LETM1: variants seen among roughly 807,000 people sequenced by gnomAD.
LETM1 encodes the protein leucine zipper and EF-hand containing transmembrane protein 1, also known as mitochondrial proton/calcium exchanger protein.
LETM1 carries 50 observed loss-of-function variants against 74.5 expected under a neutral mutation model. The observed-to-expected ratio is 0.67, with a 90% CI of 0.53 to 0.85. The LOEUF (loss-of-function observed/expected upper bound fraction) is 0.85. LETM1 is among the 40% of genes least tolerant of loss of function. The probability of loss-of-function intolerance (pLI) is 0.00; values close to 1 mark genes in which losing one functional copy is unlikely to be tolerated. For synonymous variants in LETM1, 446 were observed against 407.1 expected (o/e 1.10, Z -1.15); for missense variants, 824 against 967.8 (o/e 0.85, Z 1.97).
In LETM1 at chr4:1,841,471, A is replaced by C. The variant is rs901294749; in HGVS notation, c.470T>G (p.Val157Gly). The C allele has an allele frequency of 5.6e-6, 9 of 1,614,082 alleles. No homozygotes were observed. The highest frequency in any genetic ancestry group is 6.8e-6 in the Non-Finnish European group (8 of 1,180,048). Residue 157 changes from valine (V) to glycine (G), a missense_variant, in exon 3 of 14, where the codon GTG becomes GGG. Around this residue, in one of 4 missense-constraint regions of LETM1, gnomAD observed 269 missense variants for 348.8 expected, o/e 0.77. Coordinates refer to ENST00000302787, the MANE Select transcript of LETM1 (RefSeq NM_012318.3). Reference protein sequence around the residue: ...VVVKKSLGQRVLDELKHYYHG... With the variant: ...VVVKKSLGQRGLDELKHYYHG... ...GTAGTAGTGCTTCAGCTCGTCCAGC[A>C]CCCGCTGCCCCAGGGACTTCTTCAC...
intron 6 of LETM1, 103 bp downstream of exon 6, chr4:1,832,640 TC>T (rs1311078036): frequency 2.4e-4 from 275 of 1,154,524 alleles, no homozygotes; most frequent in Non-Finnish European, 2.6e-4. Context: ...TTTCGATCGT[TC>T]AGCATCTTCC....
chr4:1,828,962 G>A (rs1324096530), intron 6 of LETM1, among the ~76,000 whole-genome samples: 1 of 105,290 alleles, frequency 9.5e-6, no homozygotes, highest in Non-Finnish European at 1.9e-5. Flanking sequence ...CTCACCTCCC[G>A]GACGGGGCGG....
At position 1,829,384 on chromosome 4, in the gene LETM1, C is replaced by T. The variant is rs945889472; in HGVS notation, c.1080+3360G>A. Among the ~76,000 whole-genome samples, 283 of 152,078 alleles carry T rather than the reference C, an allele frequency of 1.9e-3. 2 individuals are homozygous for T. Among genetic ancestry groups the T allele is most frequent in the Middle Eastern group, 3.4e-3 (1 of 292 alleles). On this transcript the variant is annotated intron_variant, in intron 6 of 13. Coordinates refer to ENST00000302787, the MANE Select transcript of LETM1 (RefSeq NM_012318.3). ...CCTCCCTCCCGGATGGGGCGGCTGG[C>T]CGGGCGGGGGGCTGACCCCCCAACC...
chr4:1,833,298 G>T (rs138948579), intron 5 of LETM1: 4 of 295,304 alleles, frequency 1.4e-5, no homozygotes, highest in African/African-American at 6.5e-5. Flanking sequence ...TCAAATACCC[G>T]ACCTCAAGTC....
intron 3 of LETM1, 144 bp downstream of exon 3, chr4:1,841,203 G>A (rs1712675288): frequency 5.7e-6 from 4 of 701,228 alleles, no homozygotes; most frequent in African/African-American, 1.8e-5. Context: ...CAATTAGCCA[G>A]GTGTGGTGGC....
rs558928070 is a variant in LETM1, at chr4:1,836,205, G to A, written c.738+224C>T. 7.2e-5 allele frequency among the ~76,000 whole-genome samples: 11 copies of A among 152,226 alleles called. No homozygotes were observed. The East Asian group carries it at 1.4e-3, about 19-fold the overall frequency. On this transcript the variant is annotated intron_variant, in intron 4 of 13. Coordinates refer to ENST00000302787, the MANE Select transcript of LETM1 (RefSeq NM_012318.3). This position sits in a 1 kb window ranked among gnomAD's most constrained non-coding sequence, Gnocchi z 5.8. ...TGCACTCCAGCCTGGGTGACAGAGC[G>A]AGACCCTGTTTCAAAAATAAATAAA...
At chr4:1,827,703 C>G (rs551304030) in intron 6 of LETM1, among the ~76,000 whole-genome samples, 2 of 144,874 alleles carry the variant, frequency 1.4e-5, no homozygotes, top group East Asian at 2.1e-4. Flanking sequence ...TACACAGACA[C>G]GGCAACCATC....
At chr4:1,851,242 G>C (rs935400564) in intron 1 of LETM1, among the ~76,000 whole-genome samples, 1 of 152,212 alleles carries the variant, frequency 6.6e-6, no homozygotes, top group African/African-American at 2.4e-5. Context: ...CCGGGAGCCA[G>C]CAGGTAGCAC....
rs1466053640 is a variant in LETM1, at chr4:1,836,016, A to C, written c.738+413T>G. 1.3e-5 allele frequency among the ~76,000 whole-genome samples: 2 copies of C among 152,162 alleles called. No homozygotes were observed. The highest frequency in any genetic ancestry group is 2.9e-5 in the Non-Finnish European group (2 of 68,034). On this transcript the variant is annotated intron_variant, in intron 4 of 13. Transcript: ENST00000302787. This position sits in a 1 kb window ranked among gnomAD's most constrained non-coding sequence, Gnocchi z 5.8. ...CTTAAGTCCAGGAACTTGAGGCTGC[A>C]GTGAGCCGTGATCGCACCACTGCAC...
chr4:1,845,151 C>T (rs981447352), intron 2 of LETM1, among the ~76,000 whole-genome samples: 6 of 152,012 alleles, frequency 3.9e-5, no homozygotes, highest in Admixed American at 1.3e-4. Context: ...GATTGTGCCA[C>T]TACACCCCAG....
In LETM1 at chr4:1,823,131, C is replaced by A; in HGVS notation, c.1333G>T (p.Ala445Ser). ...GCCACTTTCACCTGTGCTTCCTTTG[C>A]CTTCAGAAGAGGGTACATCTGTGGG... The part of the protein sequence containing the change: ...STLQTLPEIV[A>S]KEAQVKVAEV... The change falls in exon 9 of 14, where the codon GCA becomes TCA. Residue 445 changes from alanine to serine, a missense_variant and splice_region_variant. This residue lies in a region of LETM1 where 172 missense variants were observed against 170.7 expected (regional missense o/e 1.01). Transcript: ENST00000302787. 1 of 1,589,078 alleles carries A rather than the reference C, an allele frequency of 6.3e-7. No individual in the cohort carries two copies. Among genetic ancestry groups the A allele is most frequent in the African/African-American group, 1.4e-5 (1 of 73,902 alleles).
At chr4:1,841,223 T>G (rs1382733024) in intron 3 of LETM1, 124 bp downstream of exon 3, 1 of 810,104 alleles carries the variant, frequency 1.2e-6, no homozygotes, top group African/African-American at 1.7e-5. Context: ...CACATGCCTG[T>G]GGTCCCAGAT....
At chr4:1,828,090 AGG>A in intron 6 of LETM1, among the ~76,000 whole-genome samples, 1 of 102,412 alleles carries the variant, frequency 9.8e-6, no homozygotes, top group Non-Finnish European at 2.0e-5. Flanking sequence ...CTGGCCGGGC[AGG>A]GGGGCTGACA....
At chr4:1,823,560 T>C (rs2108839142) in intron 8 of LETM1, 84 bp downstream of exon 8, 2 of 1,551,266 alleles carry the variant, frequency 1.3e-6, no homozygotes, top group Non-Finnish European at 1.8e-6. Flanking sequence ...GAGGAATGAG[T>C]GCGCTTGCAC....
At chr4:1,823,274 G>A (rs2108838911) in intron 8 of LETM1, 143 bp from the exon 9 acceptor site, 1 of 1,174,858 alleles carries the variant, frequency 8.5e-7, no homozygotes, top group Non-Finnish European at 1.2e-6. Flanking sequence ...CTGCCGAGGT[G>A]CTGCCCGCAA....
At chr4:1,831,112 G>A (rs999118199) in intron 6 of LETM1, among the ~76,000 whole-genome samples, 3 of 152,120 alleles carry the variant, frequency 2.0e-5, no homozygotes, top group African/African-American at 7.2e-5. Flanking sequence ...GGCAGCCATC[G>A]TCCCCCCCAG....
chr4:1,822,335 C>T, intron 9 of LETM1, 23 bp from the exon 10 acceptor site: 1 of 1,455,700 alleles, frequency 6.9e-7, no homozygotes, highest in Non-Finnish European at 9.2e-7. Flanking sequence ...GCGACACCAG[C>T]CCAGCGCCCG....
At chr4:1,835,274 G>A (rs896829890) in intron 4 of LETM1, among the ~76,000 whole-genome samples, 6 of 151,858 alleles carry the variant, frequency 4.0e-5, no homozygotes, top group Non-Finnish European at 8.8e-5. Context: ...GTGAAACCCC[G>A]TCTCTACTAA....
At chr4:1,823,574 T>TC (rs1362340141) in intron 8 of LETM1, 70 bp downstream of exon 8, 3 of 1,587,890 alleles carry the variant, frequency 1.9e-6, no homozygotes, top group African/African-American at 1.3e-5. Flanking sequence ...CTTGCACACC[T>TC]CCCCCCACCC....
Sources: gnomAD v4.1 joint callset for allele counts (sites outside exome capture counted in the v4.1 genomes callset) on GRCh38, gnomAD v4.1.1 for gene constraint, gnomAD v4.1.1 regional missense constraint, Gnocchi (gnomAD v3.1) non-coding constraint, MANE v1.5 for transcripts, NCBI Gene and HGNC (gene_info 2026-07-23, HGNC 2026-07-21) for gene names.